Variants in ITGAM observed in about 807,000 individuals in gnomAD.
ITGAM encodes the protein integrin subunit alpha M, also known as integrin alpha-M.
Under a neutral mutation model 137.5 loss-of-function variants are expected in ITGAM, and 79 were observed. That is an observed-to-expected ratio of 0.57 (90% CI 0.48 to 0.69). The LOEUF (loss-of-function observed/expected upper bound fraction) is 0.69, where lower values mean the gene tolerates loss of function less well. Among genes scored for constraint, ITGAM ranks in the 30% least tolerant of loss-of-function variants. ITGAM has a pLI of 0.00. For synonymous variants in ITGAM, 583 were observed against 592.3 expected, an observed-to-expected ratio of 0.98 and a Z score of 0.23; for missense variants, 1,343 against 1,483.5, an observed-to-expected ratio of 0.91 and a Z score of 1.56.
At chr16:31,296,480 A>G (rs1243865457) in intron 12 of ITGAM, among the ~76,000 whole-genome samples, 1 of 152,154 alleles carries the variant, frequency 6.6e-6, no homozygotes. Context: ...ATTTTATTGT[A>G]TGTAAACTCT....
rs1456042984 is a variant in ITGAM at position 31,331,875 on chromosome 16, C to CT, written c.*169dup. ...TGTGTATGTGCGTGTGTGCAAGTGT[C>CT]TGTGTGCAAGTGTGTGCACATGTGT... On this transcript the variant is annotated 3_prime_UTR_variant, in exon 30 of 30. Transcript: ENST00000544665. 6 of 548,624 alleles carry CT rather than the reference C, an allele frequency of 1.1e-5. No individual in the cohort carries two copies. The highest frequency in any genetic ancestry group is 9.6e-5 in the African/African-American group (4 of 41,662). 34.0% of individuals were successfully genotyped at this position (548,624 alleles called of 1,614,324 possible). A position where few individuals can be genotyped will look rare whatever the true frequency, so the allele number is the denominator to read the frequency against.
At chr16:31,314,236 A>C (rs1191959956) in intron 14 of ITGAM, among the ~76,000 whole-genome samples, 1 of 152,090 alleles carries the variant, frequency 6.6e-6, no homozygotes, top group African/African-American at 2.4e-5. Flanking sequence ...TAGTTTAATT[A>C]GATCTCATTT....
rs2079702577 is a variant in ITGAM, at chr16:31,261,789, G to A, written c.126G>A (p.Gln42=). ...RGFGQSVVQL[Q]GSRVVVGAPQ... is the part of the protein sequence containing the mutation. ...TCGGGCAGAGCGTGGTCCAGCTTCA[G>A]GGATCCAGGTGAGACCCTTAGATGG... Residue 42 remains glutamine, a synonymous_variant, in exon 2 of 30, where the codon CAG becomes CAA. Transcript: ENST00000544665. 6.2e-7 allele frequency: 1 copy of A among 1,611,034 alleles called. No individual in the cohort carries two copies. The highest frequency in any genetic ancestry group is 8.5e-7 in the Non-Finnish European group (1 of 1,178,124).
At chr16:31,278,902 G>A (rs1402186843) in intron 12 of ITGAM, among the ~76,000 whole-genome samples, 3 of 151,938 alleles carry the variant, frequency 2.0e-5, no homozygotes, top group Admixed American at 6.6e-5. Flanking sequence ...TCCACCCTAC[G>A]ACGGGCCCTG....
At chr16:31,326,468 G>A (rs2080509298) in intron 21 of ITGAM, among the ~76,000 whole-genome samples, 1 of 152,116 alleles carries the variant, frequency 6.6e-6, no homozygotes, top group Non-Finnish European at 1.5e-5. Context: ...CCAGGCTGGA[G>A]TGCAGTGGTG....
At chr16:31,326,972 C>G (rs775393460) in intron 22 of ITGAM, 37 bp downstream of exon 22, 1 of 1,468,444 alleles carries the variant, frequency 6.8e-7, no homozygotes, top group South Asian at 1.1e-5. Flanking sequence ...GGCAGTTGCC[C>G]GTCTGACGCC....
chr16:31,312,793 G>A (rs981725577), intron 14 of ITGAM, among the ~76,000 whole-genome samples: 3 of 150,990 alleles, frequency 2.0e-5, no homozygotes, highest in Non-Finnish European at 4.4e-5. Flanking sequence ...GCTCAGTAAT[G>A]CTTTCACAAG....
chr16:31,303,319 AC>A (rs1195585025), intron 14 of ITGAM, among the ~76,000 whole-genome samples: 2 of 152,124 alleles, frequency 1.3e-5, no homozygotes, highest in Non-Finnish European at 2.9e-5. Context: ...GAGCCACTGC[AC>A]CCAGCCAAAG....
At chr16:31,263,423 C>T (rs1488034125) in intron 2 of ITGAM, among the ~76,000 whole-genome samples, 1 of 152,168 alleles carries the variant, frequency 6.6e-6, no homozygotes, top group Non-Finnish European at 1.5e-5. Flanking sequence ...ATAGATTTTT[C>T]CAGATCCCCC....
chr16:31,265,778 C>T (rs1459486497), intron 3 of ITGAM, 33 bp from the exon 4 acceptor site: 1 of 1,599,402 alleles, frequency 6.3e-7, no homozygotes, highest in African/African-American at 1.3e-5. Flanking sequence ...TGTCCCCCCA[C>T]CAGGGTGACC....
rs1597047280 is a variant in ITGAM, at chr16:31,331,954, TGA to T, written c.*249_*250del. ...CCATGTGTGAGTGTGTGCAAGTATG[TGA>T]GTGTGTCCAAGTGTGTGTGCGTGTG... On this transcript the variant is annotated 3_prime_UTR_variant, in exon 30 of 30. Transcript: ENST00000544665. 2.5e-5 allele frequency: 14 copies of T among 554,700 alleles called. 1 individual carries two copies. Among genetic ancestry groups the T allele is most frequent in the Admixed American group, 1.4e-4 (4 of 28,332 alleles). The allele number at this position is 554,700 out of a possible 1,614,324, so 34.4% of individuals were successfully genotyped here. A position where few individuals can be genotyped will look rare whatever the true frequency, so the allele number is the denominator to read the frequency against.
rs753921725 is a variant in ITGAM at position 31,321,242 on chromosome 16, G to A, written c.1709G>A (p.Arg570Gln). Residue 570 changes from arginine (R) to glutamine (Q), a missense_variant and splice_region_variant, in exon 15 of 30, where the codon CGG (arginine) becomes CAG (glutamine). Coordinates refer to ENST00000544665, the MANE Select transcript of ITGAM (RefSeq NM_000632.4). ...TCCACACCTCTTTTTTACCCTCAGC[G>A]GATAGCAGGCTCCAAGCTCTCTCCC... Reference protein sequence around the residue: ...GSGISPSHSQRIAGSKLSPRL... With the variant: ...GSGISPSHSQQIAGSKLSPRL... The A allele has an allele frequency of 2.0e-5, 33 of 1,613,616 alleles. No homozygotes were observed. The highest frequency in any genetic ancestry group is 3.3e-5 in the South Asian group (3 of 91,074).
At position 31,261,320 on chromosome 16, in the gene ITGAM, A is replaced by G. The variant is rs1442174699; in HGVS notation, c.29-372A>G. 2.7e-5 allele frequency among the ~76,000 whole-genome samples: 4 copies of G among 148,454 alleles called. No individual in the cohort carries two copies. In the Admixed American group the frequency reaches 2.8e-4, roughly 10 times the overall value. ...TGGGTTCAAGCAATCCTCCCACCTCAGCCTCCTGAGTACCACTACACCCGG... is the reference window on the plus strand; with the variant it reads ...TGGGTTCAAGCAATCCTCCCACCTCGGCCTCCTGAGTACCACTACACCCGG... On this transcript the variant is annotated intron_variant, in intron 1 of 29. Transcript: ENST00000544665.
chr16:31,288,992 A>G (rs2080058599), intron 12 of ITGAM, among the ~76,000 whole-genome samples: 1 of 152,240 alleles, frequency 6.6e-6, no homozygotes, highest in Non-Finnish European at 1.5e-5. Context: ...CAGCCAACAG[A>G]CACATGAAAA....
chr16:31,317,693 A>G (rs1446108890), intron 14 of ITGAM, among the ~76,000 whole-genome samples: 1 of 151,974 alleles, frequency 6.6e-6, no homozygotes, highest in Non-Finnish European at 1.5e-5. Flanking sequence ...TTTATTCCTT[A>G]TTCTGTTAAT....
chr16:31,308,627 A>C (rs2080290457), intron 14 of ITGAM, among the ~76,000 whole-genome samples: 1 of 152,204 alleles, frequency 6.6e-6, no homozygotes, highest in South Asian at 2.1e-4. Context: ...AATTTTTTGA[A>C]GGGTTTTTTG....
intron 8 of ITGAM, among the ~76,000 whole-genome samples, chr16:31,274,092 A>T (rs1323636850): frequency 1.3e-5 from 2 of 152,162 alleles, no homozygotes; most frequent in Non-Finnish European, 2.9e-5. Context: ...GTGTTTTTCC[A>T]CAACATCTTT....
At chr16:31,271,659 C>T (rs41374952) in intron 6 of ITGAM, among the ~76,000 whole-genome samples, 188 bp from the exon 7 acceptor site, 8,352 of 152,220 alleles carry the variant, frequency 0.055, 780 homozygotes, top group African/African-American at 0.19. Flanking sequence ...GGCCGCTGGC[C>T]GTGTTCTAGT....
chr16:31,261,636 C>T (rs529736012), intron 1 of ITGAM, 56 bp from the exon 2 acceptor site: 1 of 1,132,306 alleles, frequency 8.8e-7, no homozygotes, highest in Non-Finnish European at 1.3e-6. Context: ...AGGACTACAG[C>T]CCCTAACTGG....
Sources: gnomAD v4.1 joint callset for allele counts (sites outside exome capture counted in the v4.1 genomes callset) on GRCh38, gnomAD v4.1.1 for gene constraint, MANE v1.5 for transcripts, NCBI Gene and HGNC (gene_info 2026-07-23, HGNC 2026-07-21) for gene names.